PTDSS1: variants seen among roughly 807,000 people sequenced by gnomAD.
PTDSS1 encodes phosphatidylserine synthase 1.
Under a neutral mutation model 70.5 loss-of-function variants are expected in PTDSS1, and 45 were observed. That is an observed-to-expected ratio of 0.64 (90% CI 0.50 to 0.82). The LOEUF is 0.82. PTDSS1 is among the 40% of genes least tolerant of loss of function. The pLI is 0.00. For synonymous variants in PTDSS1, 188 were observed against 203.8 expected, an observed-to-expected ratio of 0.92 and a Z score of 0.66; for missense variants, 417 against 586.1, an observed-to-expected ratio of 0.71 and a Z score of 2.98.
At chr8:96,287,271 G>T in intron 4 of PTDSS1, 125 bp downstream of exon 4, 1 of 1,323,668 alleles carries the variant, frequency 7.6e-7, no homozygotes, top group Non-Finnish European at 1.0e-6. Flanking sequence ...TAAAAACCAG[G>T]TCTCTGGGAG....
rs1440406811 is a variant in PTDSS1 at position 96,333,897 on chromosome 8, T to C, written c.*331T>C. The C allele has an allele frequency of 3.3e-6, 2 of 608,842 alleles. No individual in the cohort carries two copies. Among genetic ancestry groups the C allele is most frequent in the Admixed American group, 2.8e-5 (1 of 35,576 alleles). 37.7% of individuals were successfully genotyped at this position (608,842 alleles called of 1,614,324 possible). A position where few individuals can be genotyped will look rare whatever the true frequency, so the allele number is the denominator to read the frequency against. On this transcript the variant is annotated 3_prime_UTR_variant, in exon 13 of 13. Coordinates refer to ENST00000517309, the MANE Select transcript of PTDSS1 (RefSeq NM_014754.3). ...GAGCAGCTCCGCGCCTGCTGGATCGTGGATGCAGCGTAAACATCTTCCTTC... is the reference window on the plus strand; with the variant it reads ...GAGCAGCTCCGCGCCTGCTGGATCGCGGATGCAGCGTAAACATCTTCCTTC...
At chr8:96,276,862 G>A (rs2130019714) in intron 2 of PTDSS1, among the ~76,000 whole-genome samples, 1 of 152,254 alleles carries the variant, frequency 6.6e-6, no homozygotes, top group South Asian at 2.1e-4. Context: ...TGTGTTGTCT[G>A]TGACTGGCAG....
chr8:96,274,617 C>T (rs1378615524), intron 2 of PTDSS1, among the ~76,000 whole-genome samples: 1 of 152,102 alleles, frequency 6.6e-6, no homozygotes, highest in African/African-American at 2.4e-5. Flanking sequence ...CCCAGCTACT[C>T]GCGAAGCTGA....
At chr8:96,332,051 A>C (rs1811524779) in intron 12 of PTDSS1, among the ~76,000 whole-genome samples, 1 of 134,286 alleles carries the variant, frequency 7.4e-6, no homozygotes, top group Non-Finnish European at 1.6e-5. Flanking sequence ...AAAAAAAGGT[A>C]CTGTGTATCA....
intron 5 of PTDSS1, 54 bp downstream of exon 5, chr8:96,295,310 A>G (rs1005158630): frequency 2.7e-6 from 4 of 1,508,446 alleles, no homozygotes; most frequent in Non-Finnish European, 3.6e-6. Flanking sequence ...TGTAGTTTAT[A>G]TATAGGAAAA....
intron 1 of PTDSS1, among the ~76,000 whole-genome samples, chr8:96,263,919 G>A (rs1810450930): frequency 6.6e-6 from 1 of 152,160 alleles, no homozygotes; most frequent in Non-Finnish European, 1.5e-5. Flanking sequence ...GGATTCATTT[G>A]ACTCTTGGTT....
intron 3 of PTDSS1, among the ~76,000 whole-genome samples, chr8:96,285,224 G>C (rs924698008): frequency 2.6e-5 from 4 of 152,208 alleles, no homozygotes; most frequent in African/African-American, 9.6e-5. Context: ...AAGGATCCAA[G>C]CCTGCAAAGA....
At chr8:96,284,272 T>C (rs574756312) in intron 3 of PTDSS1, 119 bp downstream of exon 3, 5 of 894,272 alleles carry the variant, frequency 5.6e-6, no homozygotes, top group Admixed American at 5.8e-5. Context: ...AGCTTTTTGC[T>C]TTTTGATGTT....
chr8:96,301,536 T>C (rs934083616), intron 6 of PTDSS1, among the ~76,000 whole-genome samples: 1 of 152,128 alleles, frequency 6.6e-6, no homozygotes, highest in Non-Finnish European at 1.5e-5. Context: ...TTGTTTTTTT[T>C]GAGATGGAGT....
Position 96,262,716 on chromosome 8 carries a change from G to A in PTDSS1, c.179+497G>A, listed in dbSNP as rs1158851691. On this transcript the variant is annotated intron_variant, in intron 1 of 12. Coordinates refer to ENST00000517309, the MANE Select transcript of PTDSS1 (RefSeq NM_014754.3). The surrounding 1 kb of genome is among the most constrained non-coding windows in gnomAD (Gnocchi z 4.4). Reference sequence around the variant, plus strand: ...CCTAGATCCCTTCCTGTGGAACTCCGGTATTCGGCACTATCCGTAACGCAC... The same window carrying A: ...CCTAGATCCCTTCCTGTGGAACTCCAGTATTCGGCACTATCCGTAACGCAC... Among the ~76,000 whole-genome samples the A allele has an allele frequency of 6.6e-6, 1 of 152,132 alleles. No homozygotes were observed. The highest frequency in any genetic ancestry group is 1.5e-5 in the Non-Finnish European group (1 of 68,030).
chr8:96,286,353 T>C (rs989438124), intron 3 of PTDSS1, among the ~76,000 whole-genome samples: 13 of 152,222 alleles, frequency 8.5e-5, no homozygotes, highest in African/African-American at 2.7e-4. Flanking sequence ...AAATGACACA[T>C]AGTGATTATT....
intron 1 of PTDSS1, among the ~76,000 whole-genome samples, chr8:96,270,593 T>C (rs568898864): frequency 6.6e-6 from 1 of 152,196 alleles, no homozygotes; most frequent in Non-Finnish European, 1.5e-5. Flanking sequence ...AGTGTGACAT[T>C]GGGGCCTTTA....
chr8:96,263,134 C>T (rs1326215252), intron 1 of PTDSS1, among the ~76,000 whole-genome samples: 1 of 152,178 alleles, frequency 6.6e-6, no homozygotes, highest in African/African-American at 2.4e-5. Flanking sequence ...CCCTGGAAAA[C>T]ATACACACAC....
intron 2 of PTDSS1, among the ~76,000 whole-genome samples, chr8:96,280,248 A>C (rs182269137): frequency 6.6e-4 from 100 of 152,276 alleles, no homozygotes; most frequent in Non-Finnish European, 1.3e-3. Flanking sequence ...TAGGCCAGGC[A>C]CGGTGGCTGA....
intron 5 of PTDSS1, among the ~76,000 whole-genome samples, chr8:96,297,828 T>C (rs1050588230): frequency 1.3e-5 from 2 of 152,258 alleles, no homozygotes; most frequent in African/African-American, 4.8e-5. Context: ...CTAATCCTTG[T>C]GCCTCAAGAG....
chr8:96,333,594 A>T lies in PTDSS1; in HGVS notation c.*28A>T, dbSNP rs1157101198. 6.4e-7 allele frequency: 1 copy of T among 1,573,588 alleles called. No homozygotes were observed. The highest frequency in any genetic ancestry group is 8.7e-7 in the Non-Finnish European group (1 of 1,143,176). ...AACCCTGGTTAATCAAAGATGTTCC[A>T]GAGTGCCTAGAACTGAGAGGGAAAT... On this transcript the variant is annotated 3_prime_UTR_variant, in exon 13 of 13. Transcript: ENST00000517309.
chr8:96,308,336 T>C (rs2130120641), intron 8 of PTDSS1, among the ~76,000 whole-genome samples: 1 of 152,364 alleles, frequency 6.6e-6, no homozygotes. Context: ...AGCTACATTC[T>C]TTATAATTAG....
At chr8:96,285,631 C>T (rs1229026748) in intron 3 of PTDSS1, among the ~76,000 whole-genome samples, 2 of 152,068 alleles carry the variant, frequency 1.3e-5, no homozygotes, top group African/African-American at 4.8e-5. Flanking sequence ...GTTTTATTTC[C>T]TTCTTGAGAG....
intron 7 of PTDSS1, among the ~76,000 whole-genome samples, chr8:96,305,917 G>A (rs910972150): frequency 2.6e-5 from 4 of 152,128 alleles, no homozygotes; most frequent in Non-Finnish European, 5.9e-5. Flanking sequence ...CTTACCTCAG[G>A]CGATCTGCCC....
Sources: gnomAD v4.1 joint callset for allele counts (sites outside exome capture counted in the v4.1 genomes callset) on GRCh38, gnomAD v4.1.1 for gene constraint, Gnocchi (gnomAD v3.1) non-coding constraint, MANE v1.5 for transcripts, NCBI Gene and HGNC (gene_info 2026-07-23, HGNC 2026-07-21) for gene names.